Variants in CALN1 observed in about 807,000 individuals in gnomAD.
CALN1 encodes the protein calneuron 1.
CALN1 carries 17 observed loss-of-function variants against 30.6 expected under a neutral mutation model. The observed-to-expected ratio is 0.56, with a 90% CI of 0.38 to 0.83. The LOEUF (loss-of-function observed/expected upper bound fraction) is 0.83, where lower values mean the gene tolerates loss of function less well. CALN1 is among the 40% of genes least tolerant of loss of function. CALN1 has a pLI of 0.00. For missense variants in CALN1, 291 were observed against 354.9 expected (o/e 0.82, Z 1.45); for synonymous variants, 156 against 131.4 (o/e 1.19, Z -1.28).
the CALN1 span, among the ~76,000 whole-genome samples, chr7:72,482,373 T>C: frequency 1.3e-5 from 2 of 152,172 alleles, no homozygotes; most frequent in African/African-American, 2.4e-5. Context: ...AGTTACGATA[T>C]AATGAGGTCT....
At chr7:72,496,626 C>T in the CALN1 span, among the ~76,000 whole-genome samples, 17 of 152,184 alleles carry the variant, frequency 1.1e-4, no homozygotes, top group African/African-American at 2.2e-4. Context: ...TGGTGGCTCA[C>T]GCCTGTAATC....
At chr7:72,419,145 C>T (rs567685649) in intron 1 of CALN1, among the ~76,000 whole-genome samples, 7 of 152,262 alleles carry the variant, frequency 4.6e-5, no homozygotes, top group East Asian at 3.9e-4. Context: ...GGACAACACA[C>T]GAATGCCCTG....
rs184959607 is a variant in CALN1 at position 71,859,779 on chromosome 7, C to T, written c.502-49287G>A. On this transcript the variant is annotated intron_variant, in intron 5 of 6. Transcript: ENST00000395275. The stretch of plus-strand genomic sequence containing the variant: ...CTTTTTAACTGAGCCCATGCGGACA[C>T]GGTGTCAGAGGCGTGGGTACCAGAG... 7.2e-5 allele frequency among the ~76,000 whole-genome samples: 11 copies of T among 152,252 alleles called. No individual in the cohort carries two copies. The East Asian group carries it at 1.5e-3, about 21-fold the overall frequency.
At position 72,374,937 on chromosome 7, in the gene CALN1, C is replaced by T. The variant is rs1030178505; in HGVS notation, c.119+28314G>A. 5.1e-4 allele frequency among the ~76,000 whole-genome samples: 77 copies of T among 152,012 alleles called. 1 individual carries two copies. Among genetic ancestry groups the T allele is most frequent in the African/African-American group, 1.8e-3 (74 of 41,380 alleles). ...ACTGTGATTTTTATACATTCAAGCG[C>T]TTTTTACATATAAATATGGATCTAA... On this transcript the variant is annotated intron_variant, in intron 2 of 6. Coordinates refer to ENST00000395275, the MANE Select transcript of CALN1 (RefSeq NM_031468.4).
intron 5 of CALN1, among the ~76,000 whole-genome samples, chr7:71,957,750 G>T (rs1438165694): frequency 6.6e-6 from 1 of 152,050 alleles, no homozygotes; most frequent in African/African-American, 2.4e-5. Flanking sequence ...GGGTGCTGTG[G>T]CTCACACCTC....
chr7:72,310,759 C>T (rs1405136187), intron 2 of CALN1, among the ~76,000 whole-genome samples: 4 of 151,524 alleles, frequency 2.6e-5, no homozygotes, highest in East Asian at 3.9e-4. Flanking sequence ...CAAAATTAGC[C>T]GGGCATGGTG....
chr7:72,340,618 G>A (rs371100637), intron 2 of CALN1, among the ~76,000 whole-genome samples: 3 of 152,174 alleles, frequency 2.0e-5, no homozygotes, highest in Admixed American at 2.0e-4. Flanking sequence ...TGCACTGGGT[G>A]AGCAGCCCAG....
At chr7:72,235,329 C>T (rs1014811459) in intron 3 of CALN1, among the ~76,000 whole-genome samples, 2 of 152,002 alleles carry the variant, frequency 1.3e-5, no homozygotes, top group African/African-American at 4.8e-5. Flanking sequence ...CCAAAAAGTT[C>T]AAGCAGATCA....
intron 5 of CALN1, among the ~76,000 whole-genome samples, chr7:71,819,002 C>T (rs1410031755): frequency 6.6e-6 from 1 of 151,642 alleles, no homozygotes; most frequent in Non-Finnish European, 1.5e-5. Flanking sequence ...GCCACAGCAC[C>T]CACCCGACCA....
At chr7:72,256,555 C>T (rs1269605732) in intron 3 of CALN1, among the ~76,000 whole-genome samples, 3 of 152,080 alleles carry the variant, frequency 2.0e-5, no homozygotes, top group Non-Finnish European at 4.4e-5. Context: ...TGGTTTTTCC[C>T]TTTCACATTA....
chr7:72,074,608 G>A (rs150586873), intron 4 of CALN1, among the ~76,000 whole-genome samples: 16 of 152,162 alleles, frequency 1.1e-4, no homozygotes, highest in East Asian at 5.8e-4. Context: ...GGGTTTTGCC[G>A]TGTTGGCCAG....
chr7:72,122,410 C>T (rs1779630095), intron 3 of CALN1, among the ~76,000 whole-genome samples: 1 of 152,132 alleles, frequency 6.6e-6, no homozygotes, highest in Admixed American at 6.5e-5. Context: ...GGCACCACCT[C>T]CCCTGCCCCC....
chr7:72,223,766 G>C (rs1793475889), intron 3 of CALN1, among the ~76,000 whole-genome samples: 1 of 152,120 alleles, frequency 6.6e-6, no homozygotes, highest in South Asian at 2.1e-4. Flanking sequence ...AATCAACAGT[G>C]GATTGGGTAA....
intron 3 of CALN1, among the ~76,000 whole-genome samples, chr7:72,136,708 A>G (rs959490971): frequency 2.0e-5 from 3 of 152,204 alleles, no homozygotes; most frequent in African/African-American, 7.2e-5. Flanking sequence ...AGTGAGAGAC[A>G]TGAGACTCTT....
chr7:71,926,212 T>C (rs934950481), intron 5 of CALN1, among the ~76,000 whole-genome samples: 11 of 152,162 alleles, frequency 7.2e-5, no homozygotes, highest in South Asian at 2.1e-4. Flanking sequence ...CACAGCTCCA[T>C]GTGTCCCCGA....
Position 72,023,761 on chromosome 7 carries a change from G to A in CALN1, c.397C>T (p.Gln133Ter). 1 of 1,613,482 alleles carries A rather than the reference G, an allele frequency of 6.2e-7. No homozygotes were observed. Among genetic ancestry groups the A allele is most frequent in the Non-Finnish European group, 8.5e-7 (1 of 1,179,620 alleles). Reference sequence around the variant, plus strand: ...GTCATGAATTCATCAAAATCCACCTGGCCATCCCCTGCAAGGAGAAGATGT... The same window carrying A: ...GTCATGAATTCATCAAAATCCACCTAGCCATCCCCTGCAAGGAGAAGATGT... ...MQRLDMDGDG[Q>*]VDFDEFMTIL... The change falls in exon 5 of 7, where the codon CAG becomes TAG. Residue 133 changes from glutamine to a stop codon, truncating the protein, a stop_gained. Transcript: ENST00000395275. LOFTEE classifies it high-confidence loss of function.
At position 71,995,208 on chromosome 7, in the gene CALN1, G is replaced by A. The variant is rs1219866830; in HGVS notation, c.501+28449C>T. Among the ~76,000 whole-genome samples the A allele has an allele frequency of 2.6e-5, 4 of 152,246 alleles. No homozygotes were observed. The South Asian group carries it at 6.2e-4, about 24-fold the overall frequency. ...TTCTCTACCTGCCCAGGGCCATGTTGCCTGGTCCTTACTGTACACGTGATG... is the reference window on the plus strand; with the variant it reads ...TTCTCTACCTGCCCAGGGCCATGTTACCTGGTCCTTACTGTACACGTGATG... On this transcript the variant is annotated intron_variant, in intron 5 of 6. Transcript: ENST00000395275.
chr7:71,958,609 T>C (rs1797088144), intron 5 of CALN1, among the ~76,000 whole-genome samples: 1 of 152,180 alleles, frequency 6.6e-6, no homozygotes, highest in South Asian at 2.1e-4. Context: ...TAGGAAAGTT[T>C]TCCAAATATA....
At chr7:72,416,783 C>T (rs190092715), upstream of CALN1, among the ~76,000 whole-genome samples, 130 of 151,714 alleles carry the variant, frequency 8.6e-4, 1 homozygote, top group East Asian at 0.012. Context: ...AAGAACCTTC[C>T]CGGGCTTCAT....
Sources: allele counts gnomAD v4.1 joint callset (sites outside exome capture counted in the v4.1 genomes callset), GRCh38; gene constraint gnomAD v4.1.1; transcripts MANE v1.5; gene names NCBI Gene and HGNC (gene_info 2026-07-23, HGNC 2026-07-21).